Variants in FREM1 observed in about 807,000 individuals in gnomAD.
The protein encoded by FREM1 is FRAS1-related extracellular matrix protein 1.
A neutral mutation model predicts 210.1 loss-of-function variants in FREM1; 220 were observed. The observed-to-expected ratio is 1.05, with a 90% CI of 0.94 to 1.17. The LOEUF (loss-of-function observed/expected upper bound fraction) is 1.17. FREM1 is among the 50% of genes most tolerant of loss of function. The probability of loss-of-function intolerance (pLI) is 0.00; values close to 1 mark genes in which losing one functional copy is unlikely to be tolerated. For missense variants in FREM1, 3,454 were observed against 2,675.5 expected, an observed-to-expected ratio of 1.29 and a Z score of -6.42; for synonymous variants, 1,189 against 980.2, an observed-to-expected ratio of 1.21 and a Z score of -3.98.
intron 22 of FREM1, among the ~76,000 whole-genome samples, chr9:14,789,758 A>G (rs187304170): frequency 1.6e-4 from 25 of 152,346 alleles, no homozygotes; most frequent in African/African-American, 6.0e-4. Context: ...ACATTATTTA[A>G]GCATATGTTT....
intron 1 of FREM1, among the ~76,000 whole-genome samples, chr9:14,906,483 A>T (rs983726178): frequency 6.6e-6 from 1 of 152,214 alleles, no homozygotes; most frequent in Non-Finnish European, 1.5e-5. Context: ...TGTCTTTCTA[A>T]GGTGTAGGAT....
chr9:14,844,990 T>A (rs966022051), intron 8 of FREM1, among the ~76,000 whole-genome samples: 1 of 152,232 alleles, frequency 6.6e-6, no homozygotes, highest in Non-Finnish European at 1.5e-5. Flanking sequence ...GTCCTGAGAT[T>A]AAGCAGGAGG....
intron 10 of FREM1, among the ~76,000 whole-genome samples, chr9:14,838,165 T>C (rs1381639323): frequency 2.0e-5 from 3 of 152,206 alleles, no homozygotes; most frequent in East Asian, 1.9e-4. Context: ...CATTTTCAAA[T>C]TGAGTATTCT....
chr9:14,750,851 G>A (rs1223251467), intron 29 of FREM1, among the ~76,000 whole-genome samples: 1 of 152,110 alleles, frequency 6.6e-6, no homozygotes, highest in Non-Finnish European at 1.5e-5. Flanking sequence ...AGAATTTATG[G>A]GCTGGGGGTT....
At chr9:14,852,884 C>G (rs558836604) in intron 5 of FREM1, among the ~76,000 whole-genome samples, 1 of 152,100 alleles carries the variant, frequency 6.6e-6, no homozygotes, top group African/African-American at 2.4e-5. Context: ...ATTAGATGTG[C>G]AACTGAATGT....
chr9:14,740,155 A>T lies in FREM1; in HGVS notation c.6334T>A (p.Trp2112Arg). Residue 2112 changes from tryptophan to arginine, a missense_variant, in exon 36 of 37, where the codon TGG (tryptophan) becomes AGG (arginine). Coordinates refer to ENST00000380880, the MANE Select transcript of FREM1 (RefSeq NM_001379081.2). ...LWDIGGRKSF[W>R]IGLNDQVHAG... ...CTCCCTCCCAGATACTTGCCTATCCAAAAGGACTTTCTCCCACCAATGTCC... is the reference window on the plus strand; with the variant it reads ...CTCCCTCCCAGATACTTGCCTATCCTAAAGGACTTTCTCCCACCAATGTCC... 6.2e-7 allele frequency: 1 copy of T among 1,611,380 alleles called. No individual in the cohort carries two copies. The highest frequency in any genetic ancestry group is 8.5e-7 in the Non-Finnish European group (1 of 1,178,008).
chr9:14,884,476 G>GA (rs113860313), intron 1 of FREM1, among the ~76,000 whole-genome samples: 80 of 152,224 alleles, frequency 5.3e-4, no homozygotes, highest in Admixed American at 8.5e-4. Context: ...TCTGAAATGT[G>GA]AAAAAACACG....
intron 29 of FREM1, among the ~76,000 whole-genome samples, chr9:14,751,241 A>G (rs993320439): frequency 5.3e-5 from 8 of 152,366 alleles, no homozygotes; most frequent in African/African-American, 1.9e-4. Context: ...AACTTTTCTT[A>G]GCTGAGATGG....
At position 14,792,809 on chromosome 9, in the gene FREM1, G is replaced by C. The variant is rs779025404; in HGVS notation, c.3915C>G (p.Asp1305Glu). 3.1e-6 allele frequency: 5 copies of C among 1,606,362 alleles called. No individual in the cohort carries two copies. Among genetic ancestry groups the C allele is most frequent in the Middle Eastern group, 1.7e-4 (1 of 6,048 alleles). ...SSAILSAIDE[D>E]SPREKIYYVF... ...CATAGTAAATCTTCTCCCTGGGTGA[G>C]TCTTCATCTATGGCTGAAAGAATAG... The change falls in exon 22 of 37, where the codon GAC becomes GAG. Residue 1305 changes from aspartate to glutamate, a missense_variant. By Grantham distance (45) the Asp-to-Glu change is conservative. Transcript: ENST00000380880.
In FREM1 at chr9:14,857,560, A is replaced by C. The variant is rs779292295; in HGVS notation, c.821T>G (p.Val274Gly). The C allele has an allele frequency of 1.9e-6, 3 of 1,613,018 alleles. No homozygotes were observed. The highest frequency in any genetic ancestry group is 2.5e-6 in the Non-Finnish European group (3 of 1,179,506). Residue 274 changes from valine to glycine, a missense_variant, in exon 5 of 37, where the codon GTG becomes GGG. Physicochemically the swap from Val to Gly is moderately radical, Grantham distance 109. Transcript: ENST00000380880. ...LDLTDTRSKIVYKSESAWLPV... is the reference protein window; with the variant it reads ...LDLTDTRSKIGYKSESAWLPV... ...CATAACCCCAAACTCTACCTTGTAC[A>C]CAATTTTGCTCCTGGTATCTGTGAG...
At chr9:14,847,042 G>A (rs1039940587) in intron 7 of FREM1, among the ~76,000 whole-genome samples, 3 of 152,204 alleles carry the variant, frequency 2.0e-5, no homozygotes, top group African/African-American at 7.2e-5. Context: ...TGCTAAGAGG[G>A]GCCAGATAAC....
intron 13 of FREM1, among the ~76,000 whole-genome samples, chr9:14,821,678 G>A (rs1821340586): frequency 6.6e-6 from 1 of 152,228 alleles, no homozygotes; most frequent in Admixed American, 6.5e-5. Context: ...TTCTACCAAA[G>A]ATGGCAAGTC....
At chr9:14,829,085 G>T (rs564305769) in intron 10 of FREM1, among the ~76,000 whole-genome samples, 1 of 152,114 alleles carries the variant, frequency 6.6e-6, no homozygotes, top group Non-Finnish European at 1.5e-5. Context: ...TACTACATTC[G>T]TCTCTGTATC....
At chr9:14,869,857 C>T (rs993904533) in intron 1 of FREM1, among the ~76,000 whole-genome samples, 2 of 152,160 alleles carry the variant, frequency 1.3e-5, no homozygotes, top group Non-Finnish European at 2.9e-5. Context: ...AAAGGGACTA[C>T]GAATGAGGTG....
intron 25 of FREM1, among the ~76,000 whole-genome samples, chr9:14,773,726 C>A (rs1455497010): frequency 6.6e-6 from 1 of 151,718 alleles, no homozygotes; most frequent in Admixed American, 6.6e-5. Flanking sequence ...AACTCTCTTA[C>A]AATAGCCATG....
At chr9:14,816,479 G>C (rs1220989667) in intron 15 of FREM1, among the ~76,000 whole-genome samples, 1 of 152,068 alleles carries the variant, frequency 6.6e-6, no homozygotes, top group Non-Finnish European at 1.5e-5. Context: ...ACAGTGTTGG[G>C]AGGTGGGAGG....
intron 10 of FREM1, among the ~76,000 whole-genome samples, chr9:14,829,054 A>G (rs951372206): frequency 5.9e-5 from 9 of 152,250 alleles, no homozygotes; most frequent in Non-Finnish European, 1.2e-4. Flanking sequence ...AATGTCTGGC[A>G]CATAGTAGGT....
intron 3 of FREM1, among the ~76,000 whole-genome samples, chr9:14,860,585 A>AGTG: frequency 3.2e-5 from 4 of 124,680 alleles, no homozygotes; most frequent in Admixed American, 1.7e-4. Context: ...ATATATACAC[A>AGTG]TATATATACA....
At chr9:14,907,685 C>G (rs1291393510) in intron 1 of FREM1, among the ~76,000 whole-genome samples, 2 of 152,106 alleles carry the variant, frequency 1.3e-5, no homozygotes, top group African/African-American at 2.4e-5. Context: ...GGTCATGGTG[C>G]TTTGTGAGAG....
Sources: gnomAD v4.1 joint callset for allele counts (sites outside exome capture counted in the v4.1 genomes callset) on GRCh38, gnomAD v4.1.1 for gene constraint, MANE v1.5 for transcripts, NCBI Gene and HGNC (gene_info 2026-07-23, HGNC 2026-07-21) for gene names.